OLFM2: variants seen among roughly 807,000 people sequenced by gnomAD.
OLFM2 encodes noelin-2.
A neutral mutation model predicts 43.9 loss-of-function variants in OLFM2; 20 were observed. The observed-to-expected ratio is 0.46, with a 90% CI of 0.32 to 0.66. The LOEUF is 0.66. Among genes scored for constraint, OLFM2 ranks in the 30% least tolerant of loss-of-function variants. OLFM2 has a pLI of 0.04. For missense variants in OLFM2, 416 were observed against 643.6 expected, an observed-to-expected ratio of 0.65 and a Z score of 3.83; for synonymous variants, 268 against 278.6, an observed-to-expected ratio of 0.96 and a Z score of 0.38.
intron 1 of OLFM2, among the ~76,000 whole-genome samples, chr19:9,904,768 C>G (rs1220762963): frequency 6.6e-6 from 1 of 152,052 alleles, no homozygotes; most frequent in African/African-American, 2.4e-5. Flanking sequence ...GCCTGTAATC[C>G]CAACACTCCG....
At chr19:9,914,252 A>T (rs1237503644) in intron 1 of OLFM2, among the ~76,000 whole-genome samples, 1 of 151,444 alleles carries the variant, frequency 6.6e-6, no homozygotes, top group Non-Finnish European at 1.5e-5. Context: ...CACTGTTGGG[A>T]CACCCACCCT....
intron 1 of OLFM2, among the ~76,000 whole-genome samples, chr19:9,899,695 G>A (rs1163649365): frequency 6.6e-6 from 1 of 151,910 alleles, no homozygotes; most frequent in Non-Finnish European, 1.5e-5. Flanking sequence ...GGGACTACAG[G>A]TGCACGCCAC....
At chr19:9,916,513 G>A (rs1206861267) in intron 1 of OLFM2, among the ~76,000 whole-genome samples, 2 of 152,194 alleles carry the variant, frequency 1.3e-5, no homozygotes, top group Admixed American at 6.5e-5. Context: ...AGCTCAGAGA[G>A]GAGAGGGACC....
At chr19:9,870,668 C>G (rs553811362) in intron 1 of OLFM2, among the ~76,000 whole-genome samples, 8 of 152,202 alleles carry the variant, frequency 5.3e-5, no homozygotes, top group Admixed American at 3.3e-4. Flanking sequence ...CCGCACTCTC[C>G]CCTTCTTAGG....
At chr19:9,887,593 G>A (rs2046599198) in intron 1 of OLFM2, among the ~76,000 whole-genome samples, 1 of 152,046 alleles carries the variant, frequency 6.6e-6, no homozygotes, top group Non-Finnish European at 1.5e-5. Context: ...ACCTGAACCA[G>A]CAGAGTTCAT....
chr19:9,863,988 C>T (rs2046382651), intron 1 of OLFM2, among the ~76,000 whole-genome samples: 1 of 152,234 alleles, frequency 6.6e-6, no homozygotes, highest in Admixed American at 6.5e-5. Context: ...CTCCGCCTTC[C>T]TTGTACTCAG....
At chr19:9,863,640 G>C (rs2046380131) in intron 1 of OLFM2, among the ~76,000 whole-genome samples, 1 of 151,108 alleles carries the variant, frequency 6.6e-6, no homozygotes. Flanking sequence ...CAGCAGAATC[G>C]GTGCCGTGAG....
intron 1 of OLFM2, among the ~76,000 whole-genome samples, chr19:9,882,049 G>C (rs139588678): frequency 7.2e-4 from 109 of 151,992 alleles, no homozygotes; most frequent in African/African-American, 2.5e-3. Flanking sequence ...GACTAGCCTG[G>C]GCAACACGGC....
intron 1 of OLFM2, among the ~76,000 whole-genome samples, chr19:9,888,521 C>CAA (rs33932579): frequency 0.88 from 122,372 of 138,444 alleles, 55,558 homozygotes; most frequent in Non-Finnish European, 0.99. Flanking sequence ...GACCTTACCT[C>CAA]AAAAAAAAAA....
chr19:9,863,769 T>C (rs916534696), intron 1 of OLFM2, among the ~76,000 whole-genome samples: 1 of 151,998 alleles, frequency 6.6e-6, no homozygotes, highest in African/African-American at 2.4e-5. Context: ...TATTGGAATA[T>C]GAGCAAATGA....
chr19:9,883,164 G>A (rs1257192231), intron 1 of OLFM2, among the ~76,000 whole-genome samples: 2 of 147,138 alleles, frequency 1.4e-5, no homozygotes, highest in African/African-American at 2.5e-5. Context: ...AGCCGAGATC[G>A]CACCACTGAA....
At chr19:9,917,470 C>A (rs1392576726) in intron 1 of OLFM2, among the ~76,000 whole-genome samples, 1 of 152,162 alleles carries the variant, frequency 6.6e-6, no homozygotes, top group Non-Finnish European at 1.5e-5. Context: ...ATGGGAGCCA[C>A]TGGAGGGAGA....
At chr19:9,890,435 G>A (rs1024304449) in intron 1 of OLFM2, among the ~76,000 whole-genome samples, 2 of 152,318 alleles carry the variant, frequency 1.3e-5, no homozygotes, top group African/African-American at 4.8e-5. Flanking sequence ...ATGAGAATGG[G>A]TGCCCGTGAG....
At chr19:9,933,877 T>C (rs1021265277) in intron 1 of OLFM2, among the ~76,000 whole-genome samples, 3 of 152,232 alleles carry the variant, frequency 2.0e-5, no homozygotes, top group Middle Eastern at 3.4e-3. Context: ...CTTCTATACT[T>C]TATCTGTTAT....
At chr19:9,896,258 G>A (rs1168109274) in intron 1 of OLFM2, among the ~76,000 whole-genome samples, 1 of 151,308 alleles carries the variant, frequency 6.6e-6, no homozygotes, top group African/African-American at 2.4e-5. Context: ...CCGCCACCAC[G>A]CCCGACTAAT....
At chr19:9,862,479 C>T (rs545102917) in intron 1 of OLFM2, among the ~76,000 whole-genome samples, 1 of 151,454 alleles carries the variant, frequency 6.6e-6, no homozygotes, top group Admixed American at 6.6e-5. Flanking sequence ...TAAGGCCACC[C>T]TGGGCAACAT....
At chr19:9,889,956 C>A (rs1335871704) in intron 1 of OLFM2, among the ~76,000 whole-genome samples, 1 of 151,940 alleles carries the variant, frequency 6.6e-6, no homozygotes, top group African/African-American at 2.4e-5. Context: ...CTGCCAGGCC[C>A]CTATAAATAT....
chr19:9,890,209 G>A (rs2046626247), intron 1 of OLFM2, among the ~76,000 whole-genome samples: 1 of 152,192 alleles, frequency 6.6e-6, no homozygotes, highest in Admixed American at 6.5e-5. Context: ...CCCAGTGTCT[G>A]TGGAAAAATA....
chr19:9,888,044 C>A (rs1193465627), intron 1 of OLFM2, among the ~76,000 whole-genome samples: 1 of 152,034 alleles, frequency 6.6e-6, no homozygotes, highest in Non-Finnish European at 1.5e-5. Flanking sequence ...CACAATCTGT[C>A]CCATCACCTC....
Sources: gnomAD v4.1 joint callset for allele counts (sites outside exome capture counted in the v4.1 genomes callset) on GRCh38, gnomAD v4.1.1 for gene constraint, MANE v1.5 for transcripts, NCBI Gene and HGNC (gene_info 2026-07-23, HGNC 2026-07-21) for gene names.